PMP22: variants seen among roughly 807,000 people sequenced by gnomAD.
The protein encoded by PMP22 is Charcot-Marie-Tooth neuropathy 1A (greatly reduced nerve conduction velocity, hereditary motor sensory neuropathy Ia).
Under a neutral mutation model 18.9 loss-of-function variants are expected in PMP22, and 2 were observed. That is an observed-to-expected ratio of 0.11 (90% CI 0.04 to 0.33). The LOEUF is 0.33. PMP22 is among the 10% of genes least tolerant of loss of function. The pLI, the probability that PMP22 is intolerant of heterozygous loss-of-function variation, is 1.00. For missense variants in PMP22, 169 were observed against 202.2 expected, an observed-to-expected ratio of 0.84 and a Z score of 1.00; for synonymous variants, 95 against 89.2, an observed-to-expected ratio of 1.07 and a Z score of -0.37.
intron 3 of PMP22, among the ~76,000 whole-genome samples, chr17:15,249,080 G>T (rs1375584042): frequency 6.6e-6 from 1 of 152,130 alleles, no homozygotes; most frequent in African/African-American, 2.4e-5. Flanking sequence ...TTATGGAAAT[G>T]AAGAGCTAGA....
chr17:15,252,901 C>T (rs867368121), intron 3 of PMP22, among the ~76,000 whole-genome samples: 14 of 152,168 alleles, frequency 9.2e-5, no homozygotes, highest in Admixed American at 3.3e-4. Flanking sequence ...GCTCCCAAGC[C>T]GCCTGTGGCT....
intron 3 of PMP22, among the ~76,000 whole-genome samples, chr17:15,244,049 C>A (rs191513304): frequency 6.6e-6 from 1 of 151,738 alleles, no homozygotes; most frequent in African/African-American, 2.4e-5. Flanking sequence ...ATCTCTAGTT[C>A]GCATCATTAA....
chr17:15,263,583 G>GCGCGCACA (rs71353722), intron 1 of PMP22, among the ~76,000 whole-genome samples: 11 of 149,942 alleles, frequency 7.3e-5, no homozygotes, highest in African/African-American at 2.7e-4. Context: ...GCACGCGCGC[G>GCGCGCACA]CACACACACA....
chr17:15,251,517 A>G (rs1421278403), intron 3 of PMP22: 1 of 154,206 alleles, frequency 6.5e-6, no homozygotes, highest in African/African-American at 2.4e-5. Context: ...GGCTCTCTTG[A>G]AGGTAATAAG....
At chr17:15,231,412 C>T (rs1254504847) in intron 4 of PMP22, among the ~76,000 whole-genome samples, 4 of 152,196 alleles carry the variant, frequency 2.6e-5, no homozygotes, top group Non-Finnish European at 4.4e-5. Context: ...GAAAAACCTA[C>T]CTGTCTCTTT....
At position 15,229,903 on chromosome 17, in the gene PMP22, C is replaced by T. The variant is rs1772943503; in HGVS notation, c.*1014G>A. The T allele has an allele frequency of 2.0e-5, 3 of 152,644 alleles. No individual in the cohort carries two copies. Among genetic ancestry groups the T allele is most frequent in the African/African-American group, 7.2e-5 (3 of 41,448 alleles). 9.5% of individuals were successfully genotyped at this position (152,644 alleles called of 1,614,324 possible). ...CAGAAGGGCACCATATATACATCTA[C>T]AGTTGGTGGCCAATACAAGTCATTG... is the stretch of plus-strand genomic sequence containing the variant. On this transcript the variant is annotated 3_prime_UTR_variant, in exon 5 of 5. Transcript: ENST00000312280.
At chr17:15,251,659 A>G (rs1908363054) in intron 3 of PMP22, 1 of 148,834 alleles carries the variant, frequency 6.7e-6, no homozygotes, top group African/African-American at 2.5e-5. Context: ...TTGTGTGTGG[A>G]TGACTGCACA....
intron 4 of PMP22, chr17:15,235,234 A>G (rs1223641923): frequency 1.4e-6 from 1 of 717,622 alleles, no homozygotes; most frequent in South Asian, 1.5e-5. Flanking sequence ...AGTCCCCTCT[A>G]TTCTTTCTGT....
At chr17:15,233,122 A>G (rs1906497656) in intron 4 of PMP22, among the ~76,000 whole-genome samples, 1 of 152,194 alleles carries the variant, frequency 6.6e-6, no homozygotes, top group South Asian at 2.1e-4. Context: ...GCAACCCAAG[A>G]CAGTTAATGT....
intron 4 of PMP22, among the ~76,000 whole-genome samples, chr17:15,232,135 C>T (rs535349975): frequency 2.8e-4 from 42 of 152,168 alleles, no homozygotes; most frequent in Non-Finnish European, 5.0e-4. Context: ...CGCGCCCCCC[C>T]ACCGCCCGGC....
intron 3 of PMP22, among the ~76,000 whole-genome samples, chr17:15,243,438 C>T (rs1413473557): frequency 6.6e-6 from 1 of 151,622 alleles, no homozygotes; most frequent in Non-Finnish European, 1.5e-5. Flanking sequence ...ATCTAAAAAA[C>T]AATGAGCAAT....
intron 4 of PMP22, among the ~76,000 whole-genome samples, chr17:15,233,948 C>A (rs1680972868): frequency 6.6e-6 from 1 of 152,090 alleles, no homozygotes; most frequent in African/African-American, 2.4e-5. Flanking sequence ...TGATGAGAAG[C>A]CTCTGAGGAA....
chr17:15,259,818 G>C (rs1162785699), intron 2 of PMP22, among the ~76,000 whole-genome samples: 2 of 150,924 alleles, frequency 1.3e-5, no homozygotes, highest in Non-Finnish European at 3.0e-5. Flanking sequence ...GCGTGGTGGC[G>C]GGCACCTGTA....
chr17:15,231,872 T>C (rs1906385454), intron 4 of PMP22, among the ~76,000 whole-genome samples: 1 of 152,078 alleles, frequency 6.6e-6, no homozygotes, highest in Non-Finnish European at 1.5e-5. Context: ...CCTTCGGTGT[T>C]GGAAAGAGAA....
rs1464065264 is a variant in PMP22, at chr17:15,230,801, T to A, written c.*116A>T. 1.9e-6 allele frequency: 2 copies of A among 1,044,758 alleles called. No individual in the cohort carries two copies. Among genetic ancestry groups the A allele is most frequent in the Admixed American group, 3.8e-5 (2 of 53,222 alleles). The allele number at this position is 1,044,758 out of a possible 1,614,324, so 64.7% of individuals were successfully genotyped here. A position where few individuals can be genotyped will look rare whatever the true frequency, so the allele number is the denominator to read the frequency against. On this transcript the variant is annotated 3_prime_UTR_variant, in exon 5 of 5. Transcript: ENST00000312280. ...ACCCCCACCTCCACTGCTTTCTGTT[T>A]GGTTTGGTTTGAGTTTGGGATTTTG...
Position 15,247,672 on chromosome 17 carries a change from T to C in PMP22, c.179-8061A>G, listed in dbSNP as rs12453838. On this transcript the variant is annotated intron_variant, in intron 3 of 4. Coordinates refer to ENST00000312280, the MANE Select transcript of PMP22 (RefSeq NM_000304.4). ...TCAGAAAGTATGAAGCACTTTTCAATGTAACAGTTTATGTGCATCTTTCAT... is the reference window on the plus strand; with the variant it reads ...TCAGAAAGTATGAAGCACTTTTCAACGTAACAGTTTATGTGCATCTTTCAT... Among the ~76,000 whole-genome samples, 405 of 152,296 alleles carry C rather than the reference T, an allele frequency of 2.7e-3. 10 individuals are homozygous for C. Among genetic ancestry groups the C allele is most frequent in the Admixed American group, 0.025 (379 of 15,302 alleles).
rs1442594434 is a variant in PMP22 at position 15,230,284 on chromosome 17, C to A, written c.*633G>T. 6.5e-6 allele frequency: 1 copy of A among 154,274 alleles called. No individual in the cohort carries two copies. The highest frequency in any genetic ancestry group is 1.4e-5 in the Non-Finnish European group (1 of 69,192). The allele number at this position is 154,274 out of a possible 1,614,324, so 9.6% of individuals were successfully genotyped here. On this transcript the variant is annotated 3_prime_UTR_variant, in exon 5 of 5. Transcript: ENST00000312280. ...ACTGATTTCTCATTTAGATGTGTGACGAAGATACTCCACCTGTAAGGGCAA... is the reference window on the plus strand; with the variant it reads ...ACTGATTTCTCATTTAGATGTGTGAAGAAGATACTCCACCTGTAAGGGCAA...
At chr17:15,242,314 C>T (rs1187717528) in intron 3 of PMP22, among the ~76,000 whole-genome samples, 1 of 146,666 alleles carries the variant, frequency 6.8e-6, no homozygotes, top group African/African-American at 2.5e-5. Flanking sequence ...AATAGATACA[C>T]CTAAAACAAG....
chr17:15,262,029 A>T (rs374702878), intron 1 of PMP22, among the ~76,000 whole-genome samples: 17 of 152,334 alleles, frequency 1.1e-4, no homozygotes, highest in African/African-American at 3.8e-4. Context: ...GATGACTCCC[A>T]GAGGGTTTGA....
Sources: gnomAD v4.1 joint callset for allele counts (sites outside exome capture counted in the v4.1 genomes callset) on GRCh38, gnomAD v4.1.1 for gene constraint, MANE v1.5 for transcripts, NCBI Gene and HGNC (gene_info 2026-07-23, HGNC 2026-07-21) for gene names.